RUBCNL: variants seen among roughly 807,000 people sequenced by gnomAD.
The protein encoded by RUBCNL is protein associated with UVRAG as autophagy enhancer.
A neutral mutation model predicts 69.5 loss-of-function variants in RUBCNL; 62 were observed. That is an observed-to-expected ratio of 0.89 (90% confidence interval 0.73 to 1.10). The LOEUF (loss-of-function observed/expected upper bound fraction) is 1.10. RUBCNL is among the 50% of genes least tolerant of loss of function. The pLI, the probability that RUBCNL is intolerant of heterozygous loss-of-function variation, is 0.00. For synonymous variants in RUBCNL, 291 were observed against 303.6 expected (o/e 0.96, Z 0.43); for missense variants, 768 against 798.1 (o/e 0.96, Z 0.45).
chr13:46,350,647 A>C, intron 10 of RUBCNL: 1 of 289,656 alleles, frequency 3.5e-6, no homozygotes, highest in Non-Finnish European at 6.5e-6. Flanking sequence ...CAAAAGGAAC[A>C]TTCATTTTAG....
chr13:46,348,420 ATTC>A (rs1228182180), intron 12 of RUBCNL, among the ~76,000 whole-genome samples: 2 of 152,164 alleles, frequency 1.3e-5, no homozygotes, highest in African/African-American at 4.8e-5. Context: ...CAACTAAACC[ATTC>A]TTCTTAATGA....
chr13:46,383,521 A>T (rs2049167274), intron 1 of RUBCNL, among the ~76,000 whole-genome samples: 1 of 151,996 alleles, frequency 6.6e-6, no homozygotes, highest in Non-Finnish European at 1.5e-5. Flanking sequence ...AATTTTCTAC[A>T]CACACACACA....
chr13:46,367,699 T>C (rs556008873), intron 5 of RUBCNL, among the ~76,000 whole-genome samples: 2 of 152,194 alleles, frequency 1.3e-5, no homozygotes, highest in African/African-American at 2.4e-5. Flanking sequence ...TCCAAAAATA[T>C]TCAATGAAAA....
chr13:46,362,925 TATATATATATATAG>T lies in RUBCNL; in HGVS notation c.925+176_925+189del, dbSNP rs1347696335. Among the ~76,000 whole-genome samples the T allele has an allele frequency of 3.9e-3, 188 of 47,720 alleles. 11 individuals carry two copies. Among genetic ancestry groups the T allele is most frequent in the African/African-American group, 0.021 (74 of 3,524 alleles). The allele number at this position is 47,720 out of a possible 152,430, so 31.3% of individuals were successfully genotyped here. On this transcript the variant is annotated intron_variant, in intron 6 of 14. Transcript: ENST00000429979. ...CCAGACATTTGAAACAAGAACATCA[TATATATATATATAG>T]ATATATATATATATATATATATATA... is the stretch of plus-strand genomic sequence containing the variant.
intron 1 of RUBCNL, among the ~76,000 whole-genome samples, chr13:46,384,228 A>C (rs1163196692): frequency 6.6e-6 from 1 of 152,238 alleles, no homozygotes; most frequent in Non-Finnish European, 1.5e-5. Context: ...TAGTCCCTTC[A>C]CTTAACAAAC....
At chr13:46,386,240 C>G (rs2049241664) in intron 1 of RUBCNL, among the ~76,000 whole-genome samples, 1 of 152,008 alleles carries the variant, frequency 6.6e-6, no homozygotes, top group African/African-American at 2.4e-5. Context: ...AACTGAAGTT[C>G]AAGAAGGTTT....
chr13:46,365,782 A>G (rs566494002), intron 5 of RUBCNL, among the ~76,000 whole-genome samples: 2 of 152,352 alleles, frequency 1.3e-5, no homozygotes, highest in South Asian at 4.1e-4. Context: ...CAAGGCTAAA[A>G]ATTCCAGAAT....
chr13:46,374,388 G>C (rs923774014), intron 2 of RUBCNL: 1 of 152,286 alleles, frequency 6.6e-6, no homozygotes, highest in African/African-American at 2.4e-5. Flanking sequence ...GTAACACCGT[G>C]TTTTAACACC....
At chr13:46,379,576 C>T (rs147774783) in intron 1 of RUBCNL, among the ~76,000 whole-genome samples, 136 of 152,292 alleles carry the variant, frequency 8.9e-4, no homozygotes, top group African/African-American at 3.2e-3. Flanking sequence ...GGATGTCACC[C>T]TTTAGAAGAA....
chr13:46,335,260 G>GT lies in RUBCNL; in HGVS notation c.*8124dup, dbSNP rs764458781. On this transcript the variant is annotated 3_prime_UTR_variant, in exon 15 of 15. Transcript: ENST00000429979. ...GTGTCTTTTTGTTGTTGTTGTTGTT[G>GT]TTTTTTTTTTTTTTTTTTTTTTTTT... Among the ~76,000 whole-genome samples, 1,884 of 101,826 alleles carry GT rather than the reference G, an allele frequency of 0.019. 32 individuals are homozygous for GT. Among genetic ancestry groups the GT allele is most frequent in the African/African-American group, 0.034 (809 of 23,524 alleles). 66.8% of individuals were successfully genotyped at this position (101,826 alleles called of 152,430 possible).
rs2048138959 is a variant in RUBCNL, at chr13:46,341,140, CTG to C, written c.*2243_*2244del. 6.6e-6 allele frequency among the ~76,000 whole-genome samples: 1 copy of C among 152,202 alleles called. No individual in the cohort carries two copies. Among genetic ancestry groups the C allele is most frequent in the African/African-American group, 2.4e-5 (1 of 41,442 alleles). On this transcript the variant is annotated 3_prime_UTR_variant, in exon 15 of 15. Coordinates refer to ENST00000429979, the MANE Select transcript of RUBCNL (RefSeq NM_025113.5). ...TCCTCCCTGCAGTTGAGAATCATGA[CTG>C]TAAATGACACACTACTGGAATTGCC...
chr13:46,359,514 T>C lies in RUBCNL; in HGVS notation c.1237A>G (p.Ile413Val). The C allele has an allele frequency of 6.2e-7, 1 of 1,600,556 alleles. No homozygotes were observed. The highest frequency in any genetic ancestry group is 8.5e-7 in the Non-Finnish European group (1 of 1,173,118). The change falls in exon 9 of 15, where the codon ATC becomes GTC. Residue 413 changes from isoleucine to valine, a missense_variant. By Grantham distance (29) the Ile-to-Val change is conservative. Coordinates refer to ENST00000429979, the MANE Select transcript of RUBCNL (RefSeq NM_025113.5). ...TEDWAPPRFQ[I>V]IFNIHPPLKR... ...AGTGGTGGATGAATATTAAATATGA[T>C]TTGAAATCTAGGAGGAGCCCAGTCT... is the stretch of plus-strand genomic sequence containing the variant.
intron 1 of RUBCNL, among the ~76,000 whole-genome samples, chr13:46,380,101 C>T (rs2049086271): frequency 6.6e-6 from 1 of 152,216 alleles, no homozygotes; most frequent in Non-Finnish European, 1.5e-5. Flanking sequence ...AAGGACTCCA[C>T]TCCAGCTGAT....
intron 10 of RUBCNL, chr13:46,354,758 C>G (rs1347824731): frequency 2.2e-6 from 1 of 456,566 alleles, no homozygotes; most frequent in Non-Finnish European, 4.4e-6. Flanking sequence ...GTTACATACA[C>G]TTACTTGGCT....
chr13:46,347,152 C>A (rs1399063813), intron 12 of RUBCNL, among the ~76,000 whole-genome samples: 1 of 152,078 alleles, frequency 6.6e-6, no homozygotes, highest in African/African-American at 2.4e-5. Context: ...AAACTAGTAA[C>A]CCCAGCACTT....
chr13:46,356,693 A>C (rs974847539), intron 9 of RUBCNL, among the ~76,000 whole-genome samples, 197 bp from the exon 10 acceptor site: 3 of 151,854 alleles, frequency 2.0e-5, no homozygotes, highest in African/African-American at 7.3e-5. Context: ...AGCTATGACT[A>C]ATTTTTTTTA....
chr13:46,372,740 A>C, intron 2 of RUBCNL, 143 bp from the exon 3 acceptor site: 1 of 565,308 alleles, frequency 1.8e-6, no homozygotes, highest in Non-Finnish European at 2.7e-6. Flanking sequence ...TTGGATTTAT[A>C]AGTGAAAAAA....
chr13:46,357,912 T>C (rs997321878), intron 9 of RUBCNL, among the ~76,000 whole-genome samples: 18 of 152,216 alleles, frequency 1.2e-4, no homozygotes, highest in Admixed American at 1.2e-3. Flanking sequence ...ATTACAGGCA[T>C]TGGCCACTGT....
intron 10 of RUBCNL, 77 bp downstream of exon 10, chr13:46,356,355 A>G: frequency 7.1e-7 from 1 of 1,405,500 alleles, no homozygotes; most frequent in Non-Finnish European, 9.9e-7. Context: ...CTCTCACACA[A>G]GCAATGCGCT....
Sources: gnomAD v4.1 joint callset for allele counts (sites outside exome capture counted in the v4.1 genomes callset) on GRCh38, gnomAD v4.1.1 for gene constraint, MANE v1.5 for transcripts, NCBI Gene and HGNC (gene_info 2026-07-23, HGNC 2026-07-21) for gene names.